The following IRAK1BP1 variants were observed in gnomAD, a reference collection of about 807,000 sequenced individuals.
The protein encoded by IRAK1BP1 is interleukin 1 receptor associated kinase 1 binding protein 1.
Under a neutral mutation model 28.0 loss-of-function variants are expected in IRAK1BP1, and 24 were observed. The ratio of observed to expected loss-of-function variants is 0.86; its 90% CI spans 0.62 to 1.20. The LOEUF (loss-of-function observed/expected upper bound fraction) is 1.20, where lower values mean the gene tolerates loss of function less well. Ranked by LOEUF, IRAK1BP1 falls within the 50% of genes most tolerant of loss-of-function variation. The pLI is 0.00. For missense variants in IRAK1BP1, 336 were observed against 316.7 expected (o/e 1.06, Z -0.46); for synonymous variants, 131 against 116.3 (o/e 1.13, Z -0.81).
At chr6:78,878,446 G>T (rs544530945) in intron 1 of IRAK1BP1, among the ~76,000 whole-genome samples, 1 of 152,196 alleles carries the variant, frequency 6.6e-6, no homozygotes, top group Non-Finnish European at 1.5e-5. Context: ...CTGACTGTTA[G>T]AATGAAAACT....
downstream of IRAK1BP1, among the ~76,000 whole-genome samples, chr6:78,906,733 T>C (rs545544421): frequency 2.0e-5 from 3 of 152,218 alleles, no homozygotes; most frequent in East Asian, 5.8e-4. Flanking sequence ...CCCCAAATAT[T>C]TACAAAAGGA....
At chr6:78,940,964 G>T in intron 4 of IRAK1BP1, 1 of 1,613,940 alleles carries the variant, frequency 6.2e-7, no homozygotes, top group Non-Finnish European at 8.5e-7. Context: ...GACACTTGCA[G>T]GGACTAGGAG....
At chr6:78,941,130 T>C (rs776106601) in intron 4 of IRAK1BP1, 1 of 1,614,096 alleles carries the variant, frequency 6.2e-7, no homozygotes, top group South Asian at 1.1e-5. Flanking sequence ...TGCACATTAT[T>C]TTGCTCTAAA....
At chr6:78,885,269 G>T in intron 1 of IRAK1BP1, 109 bp from the exon 2 acceptor site, 1 of 612,676 alleles carries the variant, frequency 1.6e-6, no homozygotes, top group Non-Finnish European at 2.9e-6. Flanking sequence ...AGTTCTTTTT[G>T]CATATTTTAT....
chr6:78,919,238 G>A (rs1772653933), intron 4 of IRAK1BP1, among the ~76,000 whole-genome samples: 1 of 152,154 alleles, frequency 6.6e-6, no homozygotes, highest in South Asian at 2.1e-4. Flanking sequence ...AGAACTCAAT[G>A]AGTTAGAAAG....
intron 1 of IRAK1BP1, among the ~76,000 whole-genome samples, chr6:78,883,925 T>C (rs1403730622): frequency 6.6e-6 from 1 of 152,044 alleles, no homozygotes; most frequent in African/African-American, 2.4e-5. Context: ...CAGAAAAAAA[T>C]GTTATATATA....
the IRAK1BP1 span, among the ~76,000 whole-genome samples, chr6:78,977,322 A>G: frequency 6.6e-6 from 1 of 151,842 alleles, no homozygotes; most frequent in Non-Finnish European, 1.5e-5. Flanking sequence ...TGGGAATTGA[A>G]CAATGAGATC....
downstream of IRAK1BP1, among the ~76,000 whole-genome samples, chr6:78,948,552 T>C (rs1773959672): frequency 6.6e-6 from 1 of 152,128 alleles, no homozygotes; most frequent in African/African-American, 2.4e-5. Flanking sequence ...AGAGTGCAGT[T>C]GGTGCCATCA....
rs547800802 is a variant in IRAK1BP1 at position 78,903,003 on chromosome 6, A to G, written c.*4669A>G. 3 of 1,514,126 alleles carry G rather than the reference A, an allele frequency of 2.0e-6. No homozygotes were observed. The East Asian group carries it at 7.4e-5, about 37-fold the overall frequency. The allele number at this position is 1,514,126 out of a possible 1,614,324, so 93.8% of individuals were successfully genotyped here. ...TATTTCTGTTTCAGCAACTCCTGGA[A>G]TCCTTCTTCAACATCCCAACCAACA... On this transcript the variant is annotated 3_prime_UTR_variant, in exon 4 of 4. Transcript: ENST00000369940.
the IRAK1BP1 span, chr6:78,957,030 T>TA: frequency 2.0e-5 from 3 of 151,996 alleles, no homozygotes; most frequent in Non-Finnish European, 2.9e-5. Flanking sequence ...GACTATCTGC[T>TA]AAAAAAAGTA....
the IRAK1BP1 span, among the ~76,000 whole-genome samples, chr6:78,965,146 A>G: frequency 6.6e-6 from 1 of 152,178 alleles, no homozygotes; most frequent in African/African-American, 2.4e-5. Context: ...ATCTTCATTG[A>G]GCTCTTATAT....
At chr6:78,960,213 G>A in the IRAK1BP1 span, among the ~76,000 whole-genome samples, 1 of 152,146 alleles carries the variant, frequency 6.6e-6, no homozygotes, top group African/African-American at 2.4e-5. Context: ...CAAACCTTAT[G>A]TATAGTATAC....
chr6:78,966,681 C>G, the IRAK1BP1 span, among the ~76,000 whole-genome samples: 1 of 152,210 alleles, frequency 6.6e-6, no homozygotes, highest in Non-Finnish European at 1.5e-5. Context: ...TATTACTTAA[C>G]CTGCTTTTTC....
intron 4 of IRAK1BP1, among the ~76,000 whole-genome samples, chr6:78,930,318 A>G (rs1256671842): frequency 2.0e-5 from 3 of 152,200 alleles, no homozygotes; most frequent in Non-Finnish European, 4.4e-5. Flanking sequence ...TATTTCAGTT[A>G]TAAGCAACAC....
At chr6:78,935,570 G>A in intron 4 of IRAK1BP1, 1 of 969,046 alleles carries the variant, frequency 1.0e-6, no homozygotes, top group South Asian at 4.8e-5. Context: ...GTAACTTACG[G>A]TAAGAAATCA....
At chr6:78,916,958 A>C (rs1032006617) in intron 4 of IRAK1BP1, among the ~76,000 whole-genome samples, 4 of 152,138 alleles carry the variant, frequency 2.6e-5, no homozygotes, top group Non-Finnish European at 5.9e-5. Context: ...AAAAATTAGA[A>C]GTTCCAGTGT....
At chr6:78,939,578 AGTAT>A (rs1301443629) in intron 4 of IRAK1BP1, 1 of 151,642 alleles carries the variant, frequency 6.6e-6, no homozygotes, top group Admixed American at 6.6e-5. Context: ...ATAGTATATA[AGTAT>A]GTGTTTGTAT....
intron 1 of IRAK1BP1, among the ~76,000 whole-genome samples, chr6:78,879,939 A>G (rs1468741669): frequency 2.6e-5 from 4 of 152,220 alleles, no homozygotes; most frequent in Non-Finnish European, 4.4e-5. Flanking sequence ...GTACATATTG[A>G]GTCTGAAATG....
chr6:78,965,854 G>T, the IRAK1BP1 span: 4 of 1,189,446 alleles, frequency 3.4e-6, no homozygotes, highest in Non-Finnish European at 4.9e-6. Context: ...TTGCTTCTGT[G>T]TTTAAAAGAA....
Sources: allele counts gnomAD v4.1 joint callset (sites outside exome capture counted in the v4.1 genomes callset), GRCh38; gene constraint gnomAD v4.1.1; transcripts MANE v1.5; gene names NCBI Gene and HGNC (gene_info 2026-07-23, HGNC 2026-07-21).